The following ZNF707 variants were observed in gnomAD, a reference collection of about 807,000 sequenced individuals.
The protein encoded by ZNF707 is zinc finger protein 707.
ZNF707 carries 8 observed loss-of-function variants against 13.3 expected under a neutral mutation model. The observed-to-expected ratio is 0.60, with a 90% CI of 0.35 to 1.09. ZNF707 has a LOEUF of 1.09. Ranked by LOEUF, ZNF707 falls within the 50% of genes least tolerant of loss-of-function variation. The pLI, the probability that ZNF707 is intolerant of heterozygous loss-of-function variation, is 0.02. For missense variants in ZNF707, 530 were observed against 512.6 expected (o/e 1.03, Z -0.33); for synonymous variants, 225 against 205.6 (o/e 1.09, Z -0.81).
chr8:143,694,202 G>T lies in ZNF707; in HGVS notation c.788G>T (p.Gly263Val). The T allele has an allele frequency of 6.3e-7, 1 of 1,575,792 alleles. No individual in the cohort carries two copies. ...ACCGAGCACAGGCCCTACTCGTGTG[G>T]CGACTGTGGGAAAGCCTTCAAGCAG... ...VHTEHRPYSC[G>V]DCGKAFKQKS... is the part of the protein sequence containing the mutation. The change falls in exon 6 of 6, where the codon GGC becomes GTC. Residue 263 changes from glycine to valine, a missense_variant. Transcript: ENST00000358656. This position sits in a 1 kb window ranked among gnomAD's most constrained non-coding sequence, Gnocchi z 4.4.
intron 5 of ZNF707, chr8:143,692,040 G>A (rs899502971): frequency 1.4e-6 from 2 of 1,396,254 alleles, no homozygotes; most frequent in Non-Finnish European, 1.9e-6. Context: ...TGGTGTGGGT[G>A]TCTGACCTCC....
chr8:143,685,573 C>T (rs1200767800), intron 1 of ZNF707, among the ~76,000 whole-genome samples: 1 of 147,704 alleles, frequency 6.8e-6, no homozygotes, highest in Non-Finnish European at 1.5e-5. Flanking sequence ...GATGCTGTGG[C>T]TGACGCCTGT....
intron 5 of ZNF707, chr8:143,692,279 G>A (rs1554613857): frequency 7.8e-7 from 1 of 1,289,908 alleles, no homozygotes. Context: ...CACGAGCCCT[G>A]GGAGGTCCCC....
At chr8:143,691,807 T>C (rs1350810431) in intron 5 of ZNF707, 94 bp downstream of exon 5, 10 of 1,173,178 alleles carry the variant, frequency 8.5e-6, no homozygotes, top group Admixed American at 6.7e-5. Flanking sequence ...CAAGGGTGTG[T>C]CCTTCCCATG....
rs2131546155 is a variant in ZNF707 at position 143,694,860 on chromosome 8, G to T, written c.*330G>T. On this transcript the variant is annotated 3_prime_UTR_variant, in exon 6 of 6. Coordinates refer to ENST00000358656, the MANE Select transcript of ZNF707 (RefSeq NM_001100598.2). This position sits in a 1 kb window ranked among gnomAD's most constrained non-coding sequence, Gnocchi z 4.4. Reference sequence around the variant, plus strand: ...TCAGAGGCGGAGAAGCCTGCCTGGTGCCCACAGCCGTCTGGCTCAGGGACT... The same window carrying T: ...TCAGAGGCGGAGAAGCCTGCCTGGTTCCCACAGCCGTCTGGCTCAGGGACT... 7.3e-6 allele frequency: 2 copies of T among 273,450 alleles called. No homozygotes were observed. The highest frequency in any genetic ancestry group is 6.8e-6 in the Non-Finnish European group (1 of 146,298). 16.9% of individuals were successfully genotyped at this position (273,450 alleles called of 1,614,324 possible). A position where few individuals can be genotyped will look rare whatever the true frequency, so the allele number is the denominator to read the frequency against.
intron 5 of ZNF707, 139 bp downstream of exon 5, chr8:143,691,852 C>A: frequency 2.1e-6 from 2 of 970,674 alleles, no homozygotes; most frequent in Non-Finnish European, 1.5e-6. Context: ...CTAAATTAGA[C>A]AGGCATTAGA....
intron 3 of ZNF707, 167 bp downstream of exon 3, chr8:143,690,290 G>A (rs1285086241): frequency 2.7e-5 from 23 of 852,940 alleles, no homozygotes; most frequent in Non-Finnish European, 3.9e-5. Flanking sequence ...AGAAAATTGG[G>A]GCCAGGCGCA....
rs190510491 is a variant in ZNF707 at position 143,685,715 on chromosome 8, C to T, written c.-151+1173C>T. Among the ~76,000 whole-genome samples, 191 of 152,110 alleles carry T rather than the reference C, an allele frequency of 1.3e-3. 1 individual carries two copies. The highest frequency in any genetic ancestry group is 3.8e-3 in the African/African-American group (159 of 41,490). ...CAATTGCAGGGCATGTTGGCACATGCGCTTTTGGTCCCAGCTACTGGGGAG... is the reference window on the plus strand; with the variant it reads ...CAATTGCAGGGCATGTTGGCACATGTGCTTTTGGTCCCAGCTACTGGGGAG... On this transcript the variant is annotated intron_variant, in intron 1 of 5. Coordinates refer to ENST00000358656, the MANE Select transcript of ZNF707 (RefSeq NM_001100598.2).
chr8:143,685,464 T>G (rs1563720227), intron 1 of ZNF707, among the ~76,000 whole-genome samples: 1 of 149,506 alleles, frequency 6.7e-6, no homozygotes, highest in Non-Finnish European at 1.5e-5. Context: ...AGGCAGAGGT[T>G]GCAGTGAGCA....
At position 143,694,725 on chromosome 8, in the gene ZNF707, G is replaced by A. The variant is rs568885751; in HGVS notation, c.*195G>A. 33 of 620,532 alleles carry A rather than the reference G, an allele frequency of 5.3e-5. No individual in the cohort carries two copies. Among genetic ancestry groups the A allele is most frequent in the South Asian group, 1.5e-4 (6 of 39,532 alleles). 38.4% of individuals were successfully genotyped at this position (620,532 alleles called of 1,614,324 possible). A position where few individuals can be genotyped will look rare whatever the true frequency, so the allele number is the denominator to read the frequency against. On this transcript the variant is annotated 3_prime_UTR_variant, in exon 6 of 6. Coordinates refer to ENST00000358656, the MANE Select transcript of ZNF707 (RefSeq NM_001100598.2). The surrounding 1 kb of genome is among the most constrained non-coding windows in gnomAD (Gnocchi z 4.4). ...GTGGGAGAAGCAGAGCCATGGGTAC[G>A]CCGGAGATGGCGGGGGCTCTGGAGA...
chr8:143,685,976 C>T (rs1816224472), intron 1 of ZNF707, among the ~76,000 whole-genome samples: 1 of 152,218 alleles, frequency 6.6e-6, no homozygotes, highest in African/African-American at 2.4e-5. Flanking sequence ...AGGAATCTGG[C>T]TTTAGCCCCT....
intron 3 of ZNF707, 28 bp downstream of exon 3, chr8:143,690,151 C>G: frequency 6.2e-7 from 1 of 1,602,340 alleles, no homozygotes; most frequent in African/African-American, 1.3e-5. Context: ...CGAGCGCAGC[C>G]TCCCTTCTGC....
chr8:143,691,574 CAG>C, intron 4 of ZNF707, 24 bp from the exon 5 acceptor site: 1 of 1,576,960 alleles, frequency 6.3e-7, no homozygotes, highest in South Asian at 1.2e-5. Context: ...ACAAGTAAAA[CAG>C]AAACTTTTCT....
Position 143,694,648 on chromosome 8 carries a change from T to A in ZNF707, c.*118T>A, listed in dbSNP as rs542787194. On this transcript the variant is annotated 3_prime_UTR_variant, in exon 6 of 6. Coordinates refer to ENST00000358656, the MANE Select transcript of ZNF707 (RefSeq NM_001100598.2). This position sits in a 1 kb window ranked among gnomAD's most constrained non-coding sequence, Gnocchi z 4.4. ...CAACCTGAATTCAGAGAAGCCTTCT[T>A]AGTCCTCAGAGCTCCCCAGTCCCCC... The A allele has an allele frequency of 2.5e-6, 3 of 1,199,228 alleles. No individual in the cohort carries two copies. In the African/African-American group the frequency reaches 4.6e-5, roughly 18 times the overall value. 74.3% of individuals were successfully genotyped at this position (1,199,228 alleles called of 1,614,324 possible).
intron 1 of ZNF707, among the ~76,000 whole-genome samples, chr8:143,686,166 C>T (rs546168707): frequency 2.6e-5 from 4 of 152,038 alleles, no homozygotes; most frequent in South Asian, 4.2e-4. Flanking sequence ...GGCATAATCT[C>T]GGCTCACTGC....
At chr8:143,692,427 T>C (rs113701541) in intron 5 of ZNF707, 9 of 952,656 alleles carry the variant, frequency 9.4e-6, no homozygotes, top group African/African-American at 7.0e-5. Context: ...AGCCCCCGGC[T>C]GGGGAGGTGT....
Position 143,693,850 on chromosome 8 carries a change from A to G in ZNF707, c.436A>G (p.Thr146Ala). ...TCCAGAAAGGACAGACGCCAAGCCCACGGCTTTCCCGTGTCAGGTGCTCAC... is the reference window on the plus strand; with the variant it reads ...TCCAGAAAGGACAGACGCCAAGCCCGCGGCTTTCCCGTGTCAGGTGCTCAC... ...AAPERTDAKPTAFPCQVLTQR... is the reference protein window; with the variant it reads ...AAPERTDAKPAAFPCQVLTQR... Residue 146 changes from threonine (T) to alanine (A), a missense_variant, in exon 6 of 6, where the codon ACG becomes GCG. Physicochemically the swap from Thr to Ala is moderately conservative, Grantham distance 58. Transcript: ENST00000358656. This position sits in a 1 kb window ranked among gnomAD's most constrained non-coding sequence, Gnocchi z 4.1. 2 of 1,611,298 alleles carry G rather than the reference A, an allele frequency of 1.2e-6. No homozygotes were observed. Among genetic ancestry groups the G allele is most frequent in the Non-Finnish European group, 1.7e-6 (2 of 1,179,034 alleles).
chr8:143,691,161 A>G lies in ZNF707; in HGVS notation c.104A>G (p.Asp35Gly). The G allele has an allele frequency of 3.7e-6, 6 of 1,613,680 alleles. No individual in the cohort carries two copies. Among genetic ancestry groups the G allele is most frequent in the Non-Finnish European group, 5.1e-6 (6 of 1,179,744 alleles). Residue 35 changes from aspartate to glycine, a missense_variant, in exon 4 of 6, where the codon GAC becomes GGC. Physicochemically the swap from Asp to Gly is moderately conservative, Grantham distance 94. Coordinates refer to ENST00000358656, the MANE Select transcript of ZNF707 (RefSeq NM_001100598.2). The stretch of plus-strand genomic sequence containing the variant: ...CCCAGCCAGAGGGCCCTCTACCGGG[A>G]CGTGATGCTGGACAACTTCAGCAGT... ...LEPSQRALYRDVMLDNFSSVA... is the reference protein window; with the variant it reads ...LEPSQRALYRGVMLDNFSSVA...
intron 5 of ZNF707, chr8:143,692,065 T>C (rs1816860493): frequency 7.4e-7 from 1 of 1,357,354 alleles, no homozygotes; most frequent in Non-Finnish European, 9.7e-7. Flanking sequence ...GATGGCCATG[T>C]GGGGTCCCAG....
Sources: gnomAD v4.1 joint callset for allele counts (sites outside exome capture counted in the v4.1 genomes callset) on GRCh38, gnomAD v4.1.1 for gene constraint, Gnocchi (gnomAD v3.1) non-coding constraint, MANE v1.5 for transcripts, NCBI Gene and HGNC (gene_info 2026-07-23, HGNC 2026-07-21) for gene names.